TRIM4: variants seen among roughly 807,000 people sequenced by gnomAD.
TRIM4 encodes E3 ubiquitin-protein ligase TRIM4.
Under a neutral mutation model 33.7 loss-of-function variants are expected in TRIM4, and 29 were observed. The ratio of observed to expected loss-of-function variants is 0.86; its 90% CI spans 0.64 to 1.17. TRIM4 has a LOEUF of 1.17. Among genes scored for constraint, TRIM4 ranks in the 50% most tolerant of loss-of-function variants. The pLI is 0.00. For synonymous variants in TRIM4, 224 were observed against 233.0 expected (o/e 0.96, Z 0.35); for missense variants, 554 against 593.7 (o/e 0.93, Z 0.69).
intron 2 of TRIM4, among the ~76,000 whole-genome samples, chr7:99,909,308 T>C (rs1020198627): frequency 2.6e-5 from 4 of 151,998 alleles, no homozygotes; most frequent in East Asian, 1.9e-4. Flanking sequence ...GCGGAACTCA[T>C]TATCACCCAA....
rs149678278 is a variant in TRIM4, at chr7:99,892,675, T to C, written c.913A>G (p.Asn305Asp). 78 of 1,614,034 alleles carry C rather than the reference T, an allele frequency of 4.8e-5. No individual in the cohort carries two copies. The highest frequency in any genetic ancestry group is 6.2e-5 in the Non-Finnish European group (73 of 1,180,042). The change falls in exon 6 of 6, where the codon AAT becomes GAT. Residue 305 changes from asparagine (N) to aspartate (D), a missense_variant. By Grantham distance (23) the Asn-to-Asp change is conservative. Around this residue, in one of 3 missense-constraint regions of TRIM4, gnomAD observed 290 missense variants for 335.8 expected, o/e 0.86. Transcript: ENST00000349062. Reference protein sequence around the residue: ...VFSQEGRYVKNTASASSWPVF... With the variant: ...VFSQEGRYVKDTASASSWPVF... Reference sequence around the variant, plus strand: ...GGCCAAGAACTGGCTGATGCTGTATTTTTCACGTATCTCCCTTCCTGGGAG... The same window carrying C: ...GGCCAAGAACTGGCTGATGCTGTATCTTTCACGTATCTCCCTTCCTGGGAG...
At chr7:99,905,208 T>C (rs567679994) in intron 3 of TRIM4, among the ~76,000 whole-genome samples, 19 of 152,202 alleles carry the variant, frequency 1.2e-4, no homozygotes, top group African/African-American at 4.3e-4. Context: ...AATCTAAGTA[T>C]TGGTGAGGAT....
chr7:99,912,025 G>C (rs1342752212), intron 1 of TRIM4, among the ~76,000 whole-genome samples: 2 of 152,264 alleles, frequency 1.3e-5, no homozygotes, highest in East Asian at 3.9e-4. Context: ...CCATTTATAT[G>C]AAGTTCTGGA....
At chr7:99,918,219 T>C (rs886479770) in intron 1 of TRIM4, among the ~76,000 whole-genome samples, 2 of 152,180 alleles carry the variant, frequency 1.3e-5, no homozygotes, top group African/African-American at 4.8e-5. Context: ...CTGCTATGTG[T>C]TGTAAATGTA....
chr7:99,902,140 G>A (rs373703372), intron 5 of TRIM4: 5 of 765,118 alleles, frequency 6.5e-6, no homozygotes, highest in Non-Finnish European at 9.6e-6. Context: ...TTCACATATT[G>A]TGCCTGTTTT....
chr7:99,900,451 G>A (rs763018220), intron 5 of TRIM4, among the ~76,000 whole-genome samples: 2 of 152,146 alleles, frequency 1.3e-5, no homozygotes. Flanking sequence ...GCCCAGTCAA[G>A]TTGATGTATA....
At position 99,890,763 on chromosome 7, in the gene TRIM4, T is replaced by C. The variant is rs1052462315; in HGVS notation, c.*1400A>G. The C allele has an allele frequency of 6.6e-6, 1 of 152,154 alleles. No individual in the cohort carries two copies. The highest frequency in any genetic ancestry group is 1.5e-5 in the Non-Finnish European group (1 of 68,026). 9.4% of individuals were successfully genotyped at this position (152,154 alleles called of 1,614,324 possible). On this transcript the variant is annotated 3_prime_UTR_variant, in exon 6 of 6. Coordinates refer to ENST00000349062, the MANE Select transcript of TRIM4 (RefSeq NM_033091.3). ...GGGTGGGGTATCAAAAAAGTATCTATTGGGTACTATGCTTATTACCTGGGT... is the reference window on the plus strand; with the variant it reads ...GGGTGGGGTATCAAAAAAGTATCTACTGGGTACTATGCTTATTACCTGGGT...
intron 3 of TRIM4, among the ~76,000 whole-genome samples, chr7:99,904,486 A>G (rs1339539817): frequency 6.6e-6 from 1 of 152,202 alleles, no homozygotes; most frequent in Admixed American, 6.5e-5. Context: ...AATAAAATGA[A>G]TACTAGGTAA....
chr7:99,911,872 TG>T, intron 1 of TRIM4, among the ~76,000 whole-genome samples: 1 of 152,348 alleles, frequency 6.6e-6, no homozygotes, highest in Non-Finnish European at 1.5e-5. Context: ...AGCTAGAAGC[TG>T]GAAACAGTCC....
chr7:99,896,496 G>A (rs796201795), intron 5 of TRIM4, among the ~76,000 whole-genome samples: 14 of 152,300 alleles, frequency 9.2e-5, no homozygotes, highest in East Asian at 3.9e-4. Context: ...ACTGGTTTTC[G>A]TGTCCAGCCC....
chr7:99,905,096 T>C (rs1228103258), intron 3 of TRIM4, among the ~76,000 whole-genome samples: 1 of 151,536 alleles, frequency 6.6e-6, no homozygotes, highest in Non-Finnish European at 1.5e-5. Flanking sequence ...CATACATATA[T>C]ATATATATCC....
rs144290324 is a variant in TRIM4 at position 99,912,620 on chromosome 7, G to T, written c.394-2960C>A. Among the ~76,000 whole-genome samples the T allele has an allele frequency of 1.5e-4, 23 of 152,054 alleles. 1 individual carries two copies. In the East Asian group the frequency reaches 4.1e-3, roughly 27 times the overall value. On this transcript the variant is annotated intron_variant, in intron 1 of 5. Coordinates refer to ENST00000349062, the MANE Select transcript of TRIM4 (RefSeq NM_033091.3). ...TTTTGTTTGCAATTGAATTTTAAAA[G>T]CATCAAAAGGAAATAAGAATTGATG...
intron 1 of TRIM4, among the ~76,000 whole-genome samples, chr7:99,914,850 C>CG (rs1819519094): frequency 6.6e-6 from 1 of 151,792 alleles, no homozygotes; most frequent in Admixed American, 6.6e-5. Flanking sequence ...TGCTCTGTCA[C>CG]CCAGGCTGAA....
intron 1 of TRIM4, among the ~76,000 whole-genome samples, chr7:99,916,235 C>T (rs774171729): frequency 9.2e-5 from 14 of 152,140 alleles, no homozygotes; most frequent in Non-Finnish European, 1.9e-4. Flanking sequence ...CTGATGGGTC[C>T]TCTCCATGTC....
chr7:99,904,119 C>T (rs1819240731), intron 3 of TRIM4, among the ~76,000 whole-genome samples: 2 of 152,102 alleles, frequency 1.3e-5, no homozygotes, highest in South Asian at 4.1e-4. Context: ...ACTGATTTTT[C>T]AGAGACTATT....
chr7:99,914,516 C>T (rs1374197230), intron 1 of TRIM4, among the ~76,000 whole-genome samples: 1 of 152,232 alleles, frequency 6.6e-6, no homozygotes, highest in Non-Finnish European at 1.5e-5. Flanking sequence ...AGATTCTTCA[C>T]TGGCTTTCCT....
intron 1 of TRIM4, among the ~76,000 whole-genome samples, chr7:99,915,345 G>C (rs541417484): frequency 7.9e-5 from 12 of 152,274 alleles, no homozygotes; most frequent in African/African-American, 2.9e-4. Flanking sequence ...TAACAGAATG[G>C]AGGGATTAGC....
intron 2 of TRIM4, 65 bp from the exon 3 acceptor site, chr7:99,908,877 C>G: frequency 6.9e-7 from 1 of 1,453,326 alleles, no homozygotes; most frequent in South Asian, 1.2e-5. Context: ...ATTCCTTACA[C>G]AATTCCCCAG....
In TRIM4 at chr7:99,904,939, C is replaced by T. The variant is rs924086936; in HGVS notation, c.721-1341G>A. 3.3e-5 allele frequency among the ~76,000 whole-genome samples: 5 copies of T among 151,448 alleles called. No individual in the cohort carries two copies. In the South Asian group the frequency reaches 8.3e-4, roughly 25 times the overall value. ...CCCAGCTACTCGGGAGGCTGAGGAA[C>T]GAGAAATGCTTGAACCTGGGGGGCG... On this transcript the variant is annotated intron_variant, in intron 3 of 5. Transcript: ENST00000349062.
Sources: gnomAD v4.1 joint callset for allele counts (sites outside exome capture counted in the v4.1 genomes callset) on GRCh38, gnomAD v4.1.1 for gene constraint, gnomAD v4.1.1 regional missense constraint, MANE v1.5 for transcripts, NCBI Gene and HGNC (gene_info 2026-07-23, HGNC 2026-07-21) for gene names.